CAMSAP2: variants seen among roughly 807,000 people sequenced by gnomAD.
The protein encoded by CAMSAP2 is calmodulin regulated spectrin associated protein family member 2, also known as calmodulin-regulated spectrin-associated protein 2.
In CAMSAP2, 26 loss-of-function variants were observed where a neutral mutation model predicts 146.1. The ratio of observed to expected loss-of-function variants is 0.18; its 90% CI spans 0.13 to 0.25. The LOEUF (loss-of-function observed/expected upper bound fraction) is 0.25. Ranked by LOEUF, CAMSAP2 falls within the 10% of genes least tolerant of loss-of-function variation. The pLI, the probability that CAMSAP2 is intolerant of heterozygous loss-of-function variation, is 1.00. For missense variants in CAMSAP2, 1,381 were observed against 1,759.3 expected (o/e 0.78, Z 3.85); for synonymous variants, 499 against 596.6 (o/e 0.84, Z 2.38).
At chr1:200,776,589 T>G (rs1052844606) in intron 2 of CAMSAP2, among the ~76,000 whole-genome samples, 2 of 151,900 alleles carry the variant, frequency 1.3e-5, no homozygotes, top group African/African-American at 2.4e-5. Flanking sequence ...ACTGGGTGTG[T>G]TGTTGGGTGC....
Position 200,844,863 on chromosome 1 carries a change from C to T in CAMSAP2, c.1103C>T (p.Pro368Leu). 6.4e-7 allele frequency: 1 copy of T among 1,564,320 alleles called. No individual in the cohort carries two copies. The highest frequency in any genetic ancestry group is 8.7e-7 in the Non-Finnish European group (1 of 1,150,818). ...RNVLDSSSDFPSSGEGATFTQ... is the reference protein window; with the variant it reads ...RNVLDSSSDFLSSGEGATFTQ... ...GTCTTAGATAGTAGTTCTGACTTCC[C>T]TTCAAGGTAAACTCCACAATGACTT... The change falls in exon 8 of 17, where the codon CCT becomes CTT. Residue 368 changes from proline (P) to leucine (L), a missense_variant. By Grantham distance (98) the Pro-to-Leu change is moderately conservative (BLOSUM62 -3). This residue lies in a region of CAMSAP2 where 447 missense variants were observed against 462.2 expected (regional missense o/e 0.97). Transcript: ENST00000358823.
chr1:200,815,579 G>A lies in CAMSAP2; in HGVS notation c.580G>A (p.Asp194Asn), dbSNP rs771120105. 10 of 1,554,054 alleles carry A rather than the reference G, an allele frequency of 6.4e-6. No homozygotes were observed. The highest frequency in any genetic ancestry group is 8.7e-6 in the Non-Finnish European group (10 of 1,147,472). The change falls in exon 4 of 17, where the codon GAC becomes AAC. Residue 194 changes from aspartate (D) to asparagine (N), a missense_variant. Coordinates refer to ENST00000358823, the MANE Select transcript of CAMSAP2 (RefSeq NM_203459.4). ...WINKVNEHLK[D>N]IMEQEQKLKE... is the part of the protein sequence containing the mutation. The stretch of plus-strand genomic sequence containing the variant: ...TTTTAAGGTAAATGAACATTTGAAA[G>A]ACATAATGGAACAAGAACAAAAACT...
rs973677230 is a variant in CAMSAP2 at position 200,836,889 on chromosome 1, A to C, written c.927+4044A>C. Among the ~76,000 whole-genome samples the C allele has an allele frequency of 2.6e-5, 4 of 151,966 alleles. No individual in the cohort carries two copies. In the East Asian group the frequency reaches 5.8e-4, roughly 22 times the overall value. ...ATGCTTGTTGGCCGCGTGTATGTCT[A>C]TGTCTTTTGAAAAGTGTCTGTTCAT... is the stretch of plus-strand genomic sequence containing the variant. On this transcript the variant is annotated intron_variant, in intron 6 of 16. Transcript: ENST00000358823.
chr1:200,807,373 C>A lies in CAMSAP2; in HGVS notation c.400-3C>A. On this transcript the variant is annotated splice_region_variant and splice_polypyrimidine_tract_variant and intron_variant, in intron 2 of 16. Transcript: ENST00000358823. ...ACTATTTGTTCTTGTTTTATATTTT[C>A]AGAGTGCACATTTGGCCATGATCGA... is the stretch of plus-strand genomic sequence containing the variant. 6.7e-7 allele frequency: 1 copy of A among 1,484,276 alleles called. No homozygotes were observed. The highest frequency in any genetic ancestry group is 9.0e-7 in the Non-Finnish European group (1 of 1,112,092). 91.9% of individuals were successfully genotyped at this position (1,484,276 alleles called of 1,614,324 possible).
At chr1:200,743,102 A>G (rs1664224378) in intron 1 of CAMSAP2, among the ~76,000 whole-genome samples, 1 of 152,236 alleles carries the variant, frequency 6.6e-6, no homozygotes, top group Admixed American at 6.5e-5. Context: ...TAGTTCAACT[A>G]TCTGTGCCTT....
intron 4 of CAMSAP2, among the ~76,000 whole-genome samples, chr1:200,829,517 C>T (rs1283234005): frequency 6.6e-6 from 1 of 152,136 alleles, no homozygotes; most frequent in African/African-American, 2.4e-5. Context: ...GGACCAAAAC[C>T]ATATTAAATT....
At chr1:200,812,563 A>G (rs930768440) in intron 3 of CAMSAP2, among the ~76,000 whole-genome samples, 5 of 152,126 alleles carry the variant, frequency 3.3e-5, no homozygotes, top group Non-Finnish European at 7.4e-5. Context: ...GATTTAGTAT[A>G]TGTTTTCTCC....
At chr1:200,833,929 T>C (rs1267967694) in intron 6 of CAMSAP2, among the ~76,000 whole-genome samples, 1 of 152,250 alleles carries the variant, frequency 6.6e-6, no homozygotes, top group Non-Finnish European at 1.5e-5. Flanking sequence ...CTGTTTGAAA[T>C]TTGTCACGTT....
At chr1:200,802,943 C>T (rs749034576) in intron 2 of CAMSAP2, among the ~76,000 whole-genome samples, 2 of 152,168 alleles carry the variant, frequency 1.3e-5, no homozygotes, top group South Asian at 4.1e-4. Context: ...TCAGCTCTCA[C>T]CCAGTAAAGT....
At chr1:200,829,152 TCAAAAA>T (rs970088153) in intron 4 of CAMSAP2, among the ~76,000 whole-genome samples, 7 of 152,140 alleles carry the variant, frequency 4.6e-5, no homozygotes, top group Non-Finnish European at 8.8e-5. Context: ...TGAAACCGTC[TCAAAAA>T]CAAAAACAAA....
At chr1:200,808,437 A>G (rs997352470) in intron 3 of CAMSAP2, among the ~76,000 whole-genome samples, 1 of 152,250 alleles carries the variant, frequency 6.6e-6, no homozygotes, top group Non-Finnish European at 1.5e-5. Context: ...AAAAGAAGTT[A>G]TATCTCCAGG....
chr1:200,745,678 G>C (rs1366143837), intron 1 of CAMSAP2, among the ~76,000 whole-genome samples: 1 of 152,152 alleles, frequency 6.6e-6, no homozygotes, highest in African/African-American at 2.4e-5. Context: ...TTGCCATGTT[G>C]GCCTGGCTGG....
At chr1:200,763,412 G>A (rs920038546) in intron 2 of CAMSAP2, among the ~76,000 whole-genome samples, 23 of 151,914 alleles carry the variant, frequency 1.5e-4, no homozygotes, top group East Asian at 5.8e-4. Context: ...GGTAGTGCGC[G>A]CCTGTAGTCC....
chr1:200,771,541 A>G (rs1665117661), intron 2 of CAMSAP2, among the ~76,000 whole-genome samples: 2 of 152,152 alleles, frequency 1.3e-5, no homozygotes, highest in African/African-American at 4.8e-5. Context: ...CTTGATAAAC[A>G]AAGTGTTAAT....
chr1:200,757,848 G>C (rs2102998601), intron 1 of CAMSAP2, among the ~76,000 whole-genome samples: 1 of 152,088 alleles, frequency 6.6e-6, no homozygotes, highest in South Asian at 2.1e-4. Context: ...CTTGCATTGG[G>C]GTCTTTTTAA....
At chr1:200,745,812 T>C (rs947373879) in intron 1 of CAMSAP2, among the ~76,000 whole-genome samples, 1 of 152,238 alleles carries the variant, frequency 6.6e-6, no homozygotes, top group African/African-American at 2.4e-5. Context: ...TGTGAACTTA[T>C]TTTCTAATTT....
Position 200,855,161 on chromosome 1 carries a change from C to T in CAMSAP2, c.3896+272C>T, listed in dbSNP as rs1486897379. Among the ~76,000 whole-genome samples the T allele has an allele frequency of 3.9e-5, 6 of 151,912 alleles. No individual in the cohort carries two copies. In the East Asian group the frequency reaches 1.2e-3, roughly 29 times the overall value. On this transcript the variant is annotated intron_variant, in intron 14 of 16. Coordinates refer to ENST00000358823, the MANE Select transcript of CAMSAP2 (RefSeq NM_203459.4). ...CTTTTTATAAGCTATGAAACATTAA[C>T]AGTAATTATACATCAGTAATTGCTA...
chr1:200,759,943 G>A (rs977092729), intron 1 of CAMSAP2, among the ~76,000 whole-genome samples: 2 of 152,218 alleles, frequency 1.3e-5, no homozygotes, highest in Non-Finnish European at 2.9e-5. Flanking sequence ...TCTCTCGTTT[G>A]TTTTGGTAAT....
intron 2 of CAMSAP2, among the ~76,000 whole-genome samples, chr1:200,768,649 C>CT (rs985486925): frequency 1.8e-4 from 27 of 151,056 alleles, no homozygotes; most frequent in Admixed American, 5.3e-4. Context: ...GTGGGAGAGA[C>CT]TTTTTTTTTG....
Sources: gnomAD v4.1 joint callset for allele counts (sites outside exome capture counted in the v4.1 genomes callset) on GRCh38, gnomAD v4.1.1 for gene constraint, gnomAD v4.1.1 regional missense constraint, MANE v1.5 for transcripts, NCBI Gene and HGNC (gene_info 2026-07-23, HGNC 2026-07-21) for gene names.